The following DSCAM variants were observed in gnomAD, a reference collection of about 807,000 sequenced individuals.
DSCAM encodes the protein cell adhesion molecule DSCAM.
DSCAM carries 47 observed loss-of-function variants against 217.7 expected under a neutral mutation model. The observed-to-expected ratio is 0.22, with a 90% CI of 0.17 to 0.28. The LOEUF is 0.28. DSCAM is among the 10% of genes least tolerant of loss of function. The pLI, the probability that DSCAM is intolerant of heterozygous loss-of-function variation, is 1.00. For synonymous variants in DSCAM, 1,056 were observed against 1,015.3 expected (o/e 1.04, Z -0.76); for missense variants, 2,080 against 2,618.3 (o/e 0.79, Z 4.49).
intron 18 of DSCAM, among the ~76,000 whole-genome samples, chr21:40,135,205 C>T (rs2090194664): frequency 6.6e-6 from 1 of 152,184 alleles, no homozygotes; most frequent in South Asian, 2.1e-4. Context: ...CCCCAAGAGA[C>T]CAGCAGGTCT....
intron 32 of DSCAM, among the ~76,000 whole-genome samples, chr21:40,028,601 G>C (rs927840022): frequency 6.6e-6 from 1 of 152,160 alleles, no homozygotes. Context: ...GGGTGGGAGT[G>C]ACCCGATTTT....
At chr21:40,812,647 C>G (rs1332156137) in intron 1 of DSCAM, among the ~76,000 whole-genome samples, 1 of 152,064 alleles carries the variant, frequency 6.6e-6, no homozygotes, top group Non-Finnish European at 1.5e-5. Flanking sequence ...GTGGATATGT[C>G]CAGACAATTG....
At position 40,637,488 on chromosome 21, in the gene DSCAM, A is replaced by T. The variant is rs187355560; in HGVS notation, c.508+55322T>A. 1.6e-4 allele frequency among the ~76,000 whole-genome samples: 2 copies of T among 12,748 alleles called. 1 individual carries two copies. The allele number at this position is 12,748 out of a possible 152,430, so 8.4% of individuals were successfully genotyped here. On this transcript the variant is annotated intron_variant, in intron 3 of 32. Coordinates refer to ENST00000400454, the MANE Select transcript of DSCAM (RefSeq NM_001389.5). ...ATATATAAATATATATAAATATATA[A>T]AAATATATAAATATATATAAATATA...
intron 3 of DSCAM, among the ~76,000 whole-genome samples, chr21:40,492,261 T>C (rs1013004077): frequency 6.6e-6 from 1 of 152,214 alleles, no homozygotes; most frequent in African/African-American, 2.4e-5. Context: ...GAAATTGGCT[T>C]GCTTTCTATT....
chr21:40,793,123 C>A (rs1461335733), intron 1 of DSCAM, among the ~76,000 whole-genome samples: 1 of 152,108 alleles, frequency 6.6e-6, no homozygotes. Flanking sequence ...TAGATGTTTG[C>A]ACGTAGTTAA....
At chr21:40,197,675 G>A (rs2091027285) in intron 11 of DSCAM, among the ~76,000 whole-genome samples, 1 of 152,100 alleles carries the variant, frequency 6.6e-6, no homozygotes, top group African/African-American at 2.4e-5. Context: ...AAAGCTAAAT[G>A]GTAGTAGCAG....
At chr21:40,780,423 G>GTGTGTATATATATATATATATATATA (rs1007015659) in intron 1 of DSCAM, among the ~76,000 whole-genome samples, 53 of 56,380 alleles carry the variant, frequency 9.4e-4, no homozygotes, top group South Asian at 2.6e-3. Flanking sequence ...GTGTGTGTGT[G>GTGTGTATATATATATATATATATATA]TATATATATA....
Position 40,490,128 on chromosome 21 carries a change from C to T in DSCAM, c.509-120883G>A, listed in dbSNP as rs923141995. Among the ~76,000 whole-genome samples, 70 of 152,118 alleles carry T rather than the reference C, an allele frequency of 4.6e-4. 1 individual carries two copies. Among genetic ancestry groups the T allele is most frequent in the Admixed American group, 7.9e-4 (12 of 15,270 alleles). Reference sequence around the variant, plus strand: ...TGCAGGGGAACTCCCCTTTATAAAACCATCAGATTTCCTGAGACTTATTCA... The same window carrying T: ...TGCAGGGGAACTCCCCTTTATAAAATCATCAGATTTCCTGAGACTTATTCA... On this transcript the variant is annotated intron_variant, in intron 3 of 32. Coordinates refer to ENST00000400454, the MANE Select transcript of DSCAM (RefSeq NM_001389.5).
At chr21:40,542,893 A>C (rs2076552863) in intron 3 of DSCAM, among the ~76,000 whole-genome samples, 1 of 152,158 alleles carries the variant, frequency 6.6e-6, no homozygotes, top group African/African-American at 2.4e-5. Flanking sequence ...ACAATATTAG[A>C]AACGACCCCA....
chr21:40,328,010 A>T (rs994632410), intron 8 of DSCAM, among the ~76,000 whole-genome samples: 3 of 152,182 alleles, frequency 2.0e-5, no homozygotes, highest in African/African-American at 7.2e-5. Context: ...AAATAAATGG[A>T]AACATAACTT....
chr21:40,810,030 C>T (rs1454610911), intron 1 of DSCAM, among the ~76,000 whole-genome samples: 3 of 152,216 alleles, frequency 2.0e-5, no homozygotes, highest in African/African-American at 7.2e-5. Context: ...CCGTCCCCAC[C>T]ACCTGCTGCC....
intron 3 of DSCAM, among the ~76,000 whole-genome samples, chr21:40,401,746 T>G (rs1367499879): frequency 6.7e-6 from 1 of 150,258 alleles, no homozygotes; most frequent in Non-Finnish European, 1.5e-5. Context: ...TACAGCCATG[T>G]TCCCACCAGG....
chr21:40,267,096 T>C (rs190097037), intron 11 of DSCAM, among the ~76,000 whole-genome samples: 5 of 152,032 alleles, frequency 3.3e-5, no homozygotes, highest in Admixed American at 2.0e-4. Flanking sequence ...ACTCAGATGA[T>C]AGGTGCATTA....
chr21:40,099,857 A>G (rs1211599795), intron 20 of DSCAM, among the ~76,000 whole-genome samples: 4 of 152,140 alleles, frequency 2.6e-5, no homozygotes, highest in Non-Finnish European at 5.9e-5. Flanking sequence ...TTATGGGTGG[A>G]AGAGGGCTTT....
intron 3 of DSCAM, among the ~76,000 whole-genome samples, chr21:40,452,237 TAC>T (rs71186937): frequency 0.01 from 1,471 of 144,346 alleles, 12 homozygotes; most frequent in Middle Eastern, 0.021. Flanking sequence ...TACACTATAT[TAC>T]ACACACACAC....
At chr21:40,252,852 G>A (rs2073323240) in intron 11 of DSCAM, among the ~76,000 whole-genome samples, 1 of 152,134 alleles carries the variant, frequency 6.6e-6, no homozygotes, top group Non-Finnish European at 1.5e-5. Flanking sequence ...CAAAATTGGG[G>A]GAAGTGGGGA....
chr21:40,465,671 C>T (rs2075838851), intron 3 of DSCAM, among the ~76,000 whole-genome samples: 1 of 152,140 alleles, frequency 6.6e-6, no homozygotes, highest in Admixed American at 6.5e-5. Flanking sequence ...TATTTTAGTT[C>T]ATCAGCTATC....
At chr21:40,362,820 ATATG>A (rs896166401) in intron 4 of DSCAM, among the ~76,000 whole-genome samples, 3 of 152,272 alleles carry the variant, frequency 2.0e-5, no homozygotes, top group Admixed American at 2.0e-4. Context: ...GCAGGTGTGC[ATATG>A]TAAGTATATA....
At chr21:40,450,168 C>G (rs2075707139) in intron 3 of DSCAM, among the ~76,000 whole-genome samples, 1 of 152,140 alleles carries the variant, frequency 6.6e-6, no homozygotes, top group South Asian at 2.1e-4. Flanking sequence ...TTTCTTCACA[C>G]CATGGCACAA....
Sources: allele counts gnomAD v4.1 joint callset (sites outside exome capture counted in the v4.1 genomes callset), GRCh38; gene constraint gnomAD v4.1.1; transcripts MANE v1.5; gene names NCBI Gene and HGNC (gene_info 2026-07-23, HGNC 2026-07-21).